RUNX2: variants seen among roughly 807,000 people sequenced by gnomAD.
RUNX2 encodes RUNX family transcription factor 2.
A neutral mutation model predicts 51.7 loss-of-function variants in RUNX2; 10 were observed. The observed-to-expected ratio is 0.19, with a 90% CI of 0.12 to 0.33. RUNX2 has a LOEUF of 0.33. Ranked by LOEUF, RUNX2 falls within the 10% of genes least tolerant of loss-of-function variation. The pLI is 1.00. For synonymous variants in RUNX2, 276 were observed against 273.6 expected, an observed-to-expected ratio of 1.01 and a Z score of -0.09; for missense variants, 562 against 691.3, an observed-to-expected ratio of 0.81 and a Z score of 2.10.
intron 2 of RUNX2, among the ~76,000 whole-genome samples, chr6:45,411,313 G>C (rs1284018512): frequency 1.3e-5 from 2 of 152,110 alleles, no homozygotes; most frequent in Non-Finnish European, 2.9e-5. Flanking sequence ...GTTTAGATGT[G>C]AGTCTCCCCC....
At chr6:45,471,521 T>C (rs1169617508) in intron 5 of RUNX2, among the ~76,000 whole-genome samples, 1 of 151,510 alleles carries the variant, frequency 6.6e-6, no homozygotes, top group Non-Finnish European at 1.5e-5. Context: ...CTCGGCTCAC[T>C]GCAAGCTCCG....
chr6:45,341,376 T>C (rs1039160864), intron 2 of RUNX2, among the ~76,000 whole-genome samples: 3 of 152,156 alleles, frequency 2.0e-5, no homozygotes, highest in African/African-American at 7.2e-5. Context: ...TCTATGAATC[T>C]CAACAGACTT....
intron 2 of RUNX2, among the ~76,000 whole-genome samples, chr6:45,405,980 G>T (rs549436324): frequency 3.7e-4 from 57 of 152,270 alleles, no homozygotes; most frequent in African/African-American, 1.1e-3. Flanking sequence ...TACAGTTGTT[G>T]TCAGGAGAAT....
intron 7 of RUNX2, among the ~76,000 whole-genome samples, chr6:45,513,842 A>T (rs537464063): frequency 6.6e-6 from 1 of 152,222 alleles, no homozygotes; most frequent in Admixed American, 6.5e-5. Context: ...TCAGGCAAAC[A>T]TTAATTAAAG....
At chr6:45,513,532 C>T (rs1399437287) in intron 7 of RUNX2, 1 of 152,206 alleles carries the variant, frequency 6.6e-6, no homozygotes, top group Admixed American at 6.5e-5. Flanking sequence ...TTGATTAGTT[C>T]AGACTCCTTT....
intron 4 of RUNX2, among the ~76,000 whole-genome samples, chr6:45,436,976 C>T (rs1798702359): frequency 1.3e-5 from 2 of 152,194 alleles, no homozygotes; most frequent in Admixed American, 6.5e-5. Context: ...TTCACGCCCA[C>T]CTCTTCCTGT....
chr6:45,428,305 T>C, intron 3 of RUNX2, among the ~76,000 whole-genome samples: 1 of 152,164 alleles, frequency 6.6e-6, no homozygotes, highest in South Asian at 2.1e-4. Context: ...AGGGAAACTT[T>C]TTAGCTTCAG....
At chr6:45,425,895 C>T (rs1582098746) in intron 3 of RUNX2, among the ~76,000 whole-genome samples, 1 of 140,122 alleles carries the variant, frequency 7.1e-6, no homozygotes, top group East Asian at 2.8e-4. Context: ...CACACACATA[C>T]ACACACACAC....
At chr6:45,490,439 A>T (rs535234713) in intron 5 of RUNX2, among the ~76,000 whole-genome samples, 2 of 152,322 alleles carry the variant, frequency 1.3e-5, no homozygotes, top group South Asian at 4.1e-4. Context: ...GGAGACAGCT[A>T]CACTCATATT....
At chr6:45,360,092 A>G (rs760155662) in intron 2 of RUNX2, among the ~76,000 whole-genome samples, 10 of 152,264 alleles carry the variant, frequency 6.6e-5, no homozygotes, top group Non-Finnish European at 1.2e-4. Flanking sequence ...ATCAAAATAA[A>G]AAGTTTATTA....
At chr6:45,457,659 C>T (rs946243502) in intron 5 of RUNX2, among the ~76,000 whole-genome samples, 8 of 152,130 alleles carry the variant, frequency 5.3e-5, no homozygotes, top group African/African-American at 1.4e-4. Flanking sequence ...TTTTATTCAA[C>T]GCTTGTAAAA....
intron 5 of RUNX2, among the ~76,000 whole-genome samples, chr6:45,444,257 T>G (rs913045394): frequency 2.0e-5 from 3 of 152,206 alleles, no homozygotes; most frequent in Non-Finnish European, 4.4e-5. Flanking sequence ...TAAAAATTTT[T>G]GTGTGTCGGG....
intron 2 of RUNX2, among the ~76,000 whole-genome samples, chr6:45,381,451 G>C (rs138357019): frequency 6.6e-6 from 1 of 152,070 alleles, no homozygotes; most frequent in East Asian, 1.9e-4. Flanking sequence ...TTTGAGACAG[G>C]GTTTCCCTCT....
At chr6:45,529,836 A>G (rs1007005621) in intron 7 of RUNX2, among the ~76,000 whole-genome samples, 2 of 152,140 alleles carry the variant, frequency 1.3e-5, no homozygotes, top group Admixed American at 6.5e-5. Flanking sequence ...GACAATACAC[A>G]TGTGTGTAAT....
chr6:45,347,430 C>G (rs1791112433), intron 2 of RUNX2, among the ~76,000 whole-genome samples: 1 of 152,242 alleles, frequency 6.6e-6, no homozygotes, highest in Non-Finnish European at 1.5e-5. Flanking sequence ...AATACCTCAA[C>G]ATAAATCACT....
chr6:45,480,260 A>G (rs530278317), intron 5 of RUNX2, among the ~76,000 whole-genome samples: 14 of 152,306 alleles, frequency 9.2e-5, no homozygotes, highest in Middle Eastern at 3.4e-3. Flanking sequence ...ACTTGTAAAA[A>G]CAGTTTTATT....
At chr6:45,361,144 A>C (rs912947780) in intron 2 of RUNX2, among the ~76,000 whole-genome samples, 1 of 152,220 alleles carries the variant, frequency 6.6e-6, no homozygotes, top group Admixed American at 6.5e-5. Context: ...AAAATTGCAG[A>C]ACTGTACAAT....
intron 2 of RUNX2, among the ~76,000 whole-genome samples, chr6:45,344,221 G>A (rs1790401657): frequency 6.6e-6 from 1 of 152,170 alleles, no homozygotes; most frequent in South Asian, 2.1e-4. Flanking sequence ...TAGAAGTTTA[G>A]CTCCTCTGCA....
intron 2 of RUNX2, among the ~76,000 whole-genome samples, chr6:45,373,838 C>A (rs1796424126): frequency 6.6e-6 from 1 of 152,128 alleles, no homozygotes; most frequent in African/African-American, 2.4e-5. Context: ...CAGGTGTGAG[C>A]CACCACACCC....
Sources: allele counts gnomAD v4.1 joint callset (sites outside exome capture counted in the v4.1 genomes callset), GRCh38; gene constraint gnomAD v4.1.1; transcripts MANE v1.5; gene names NCBI Gene and HGNC (gene_info 2026-07-23, HGNC 2026-07-21).